Variants in SIM1 observed in about 807,000 individuals in gnomAD.
SIM1 encodes SIM bHLH transcription factor 1.
A neutral mutation model predicts 78.2 loss-of-function variants in SIM1; 18 were observed. That is an observed-to-expected ratio of 0.23 (90% CI 0.16 to 0.34). The LOEUF (loss-of-function observed/expected upper bound fraction) is 0.34, where lower values mean the gene tolerates loss of function less well. Among genes scored for constraint, SIM1 ranks in the 10% least tolerant of loss-of-function variants. The pLI, the probability that SIM1 is intolerant of heterozygous loss-of-function variation, is 1.00. For synonymous variants in SIM1, 417 were observed against 385.2 expected, an observed-to-expected ratio of 1.08 and a Z score of -0.97; for missense variants, 939 against 975.1, an observed-to-expected ratio of 0.96 and a Z score of 0.49.
chr6:100,420,949 T>C lies in SIM1; in HGVS notation c.1008A>G (p.Glu336=). The C allele has an allele frequency of 6.2e-7, 1 of 1,613,514 alleles. No homozygotes were observed. The highest frequency in any genetic ancestry group is 8.5e-7 in the Non-Finnish European group (1 of 1,179,826). Residue 336 remains glutamate (E), a synonymous_variant, in exon 10 of 12, where the codon GAA becomes GAG. Transcript: ENST00000369208. ...CCAGGGAGAGCTGCAGCCCTTTGTA[T>C]TCTGTGTCTCTGCAGGGTGGGAGGA... ...VSVNYVLTDT[E]YKGLQLSLDQ... is the part of the protein sequence containing the mutation.
At chr6:100,449,803 G>C in intron 4 of SIM1, 104 bp from the exon 5 acceptor site, 4 of 895,420 alleles carry the variant, frequency 4.5e-6, no homozygotes, top group Non-Finnish European at 7.1e-6. Flanking sequence ...ACAGCAGCCA[G>C]AATTCTGGAA....
chr6:100,453,974 A>G, intron 2 of SIM1, 130 bp from the exon 3 acceptor site: 1 of 565,306 alleles, frequency 1.8e-6, no homozygotes, highest in Non-Finnish European at 3.0e-6. Context: ...TCCCTCTCAA[A>G]GTGGACAGCG....
Position 100,453,864 on chromosome 6 carries a change from T to G in SIM1, c.176-20A>C, listed in dbSNP as rs1469532746. The G allele has an allele frequency of 6.3e-7, 1 of 1,593,722 alleles. No individual in the cohort carries two copies. Among genetic ancestry groups the G allele is most frequent in the Non-Finnish European group, 8.6e-7 (1 of 1,169,266 alleles). On this transcript the variant is annotated intron_variant, in intron 2 of 11. Transcript: ENST00000369208. ...CGAGCCCTGTGGAGACACAGAAGCA[T>G]CCTGTAGCCACTGAACCCGGACCTG... is the stretch of plus-strand genomic sequence containing the variant.
intron 2 of SIM1, chr6:100,462,643 T>C (rs1772885168): frequency 6.6e-6 from 1 of 152,218 alleles, no homozygotes; most frequent in Non-Finnish European, 1.5e-5. Flanking sequence ...TTATGTATTT[T>C]AGGACTAGCC....
intron 9 of SIM1, among the ~76,000 whole-genome samples, chr6:100,443,770 C>T (rs950815281): frequency 2.6e-5 from 4 of 151,946 alleles, no homozygotes; most frequent in Non-Finnish European, 5.9e-5. Flanking sequence ...ATATCTGTGG[C>T]TTACTTTGAA....
At chr6:100,442,795 A>G (rs1034498463) in intron 9 of SIM1, among the ~76,000 whole-genome samples, 1 of 152,098 alleles carries the variant, frequency 6.6e-6, no homozygotes, top group African/African-American at 2.4e-5. Flanking sequence ...TCTTTAAATA[A>G]GTAATTTTTA....
rs1255310510 is a variant in SIM1 at position 100,449,685 on chromosome 6, T to A, written c.363A>T (p.Gly121=). 6.2e-7 allele frequency: 1 copy of A among 1,613,786 alleles called. No homozygotes were observed. Among genetic ancestry groups the A allele is most frequent in the Admixed American group, 1.7e-5 (1 of 60,026 alleles). Residue 121 remains glycine (G), a synonymous_variant, in exon 5 of 12, where the codon GGA becomes GGT. Transcript: ENST00000369208. ...HLGLSQVELT[G]NSIYEYIHPA... is the part of the protein sequence containing the mutation. ...GGTGAATGTATTCATAAATGCTGTT[T>A]CCGGTCAGCTCTACCTGTAAAGAGG...
At chr6:100,409,689 A>T (rs9376967) in intron 10 of SIM1, among the ~76,000 whole-genome samples, 21,203 of 152,038 alleles carry the variant, frequency 0.14, 1,937 homozygotes, top group East Asian at 0.43. Flanking sequence ...TCCTATTAAA[A>T]CTGCTTTTGC....
At chr6:100,456,548 A>G (rs2114552115) in intron 2 of SIM1, among the ~76,000 whole-genome samples, 1 of 152,356 alleles carries the variant, frequency 6.6e-6, no homozygotes, top group African/African-American at 2.4e-5. Context: ...GGCGATAACT[A>G]AATCGGGTTT....
chr6:100,454,390 G>A (rs1005010810), intron 2 of SIM1, among the ~76,000 whole-genome samples: 1 of 152,240 alleles, frequency 6.6e-6, no homozygotes, highest in South Asian at 2.1e-4. Flanking sequence ...ATCGCCTTCG[G>A]AAAAATTAGT....
At chr6:100,461,708 CTT>C (rs1043331204) in intron 2 of SIM1, among the ~76,000 whole-genome samples, 2 of 152,086 alleles carry the variant, frequency 1.3e-5, no homozygotes, top group African/African-American at 4.8e-5. Flanking sequence ...AACGAGATCT[CTT>C]TTTTAAATAG....
Position 100,390,677 on chromosome 6 carries a change from T to C in SIM1, c.1985A>G (p.Asn662Ser), listed in dbSNP as rs1307168941. ...ACTGGATTTTGAAATGCGATCCGAA[T>C]TGGGACTACTTATCCGAGATAGTGC... Reference protein sequence around the residue: ...PTALSRISSPNSDRISKSSLI... With the variant: ...PTALSRISSPSSDRISKSSLI... Residue 662 changes from asparagine to serine, a missense_variant, in exon 12 of 12, where the codon AAT (asparagine) becomes AGT (serine). Asn to Ser is a conservative substitution (Grantham distance 46). Transcript: ENST00000369208. The C allele has an allele frequency of 2.5e-6, 4 of 1,614,194 alleles. No homozygotes were observed. Among genetic ancestry groups the C allele is most frequent in the Non-Finnish European group, 2.5e-6 (3 of 1,180,030 alleles).
At chr6:100,435,452 C>T (rs1772019202) in intron 9 of SIM1, among the ~76,000 whole-genome samples, 1 of 152,108 alleles carries the variant, frequency 6.6e-6, no homozygotes, top group African/African-American at 2.4e-5. Context: ...GTTGTATTGG[C>T]TGAGTCACTT....
chr6:100,416,928 C>T (rs942558551), intron 10 of SIM1, among the ~76,000 whole-genome samples: 5 of 151,574 alleles, frequency 3.3e-5, no homozygotes, highest in Admixed American at 3.3e-4. Flanking sequence ...GTTTTCCTTG[C>T]TTCAATCACA....
Position 100,387,926 on chromosome 6 carries a change from A to G in SIM1, c.*2435T>C, listed in dbSNP as rs1770550655. The G allele has an allele frequency of 1.3e-5, 2 of 152,242 alleles. No homozygotes were observed. The highest frequency in any genetic ancestry group is 3.4e-3 in the Middle Eastern group (1 of 294). The allele number at this position is 152,242 out of a possible 1,614,324, so 9.4% of individuals were successfully genotyped here. On this transcript the variant is annotated 3_prime_UTR_variant, in exon 12 of 12. Transcript: ENST00000369208. ...CTGTCCCTGGCACATTTGGTAGAAT[A>G]TATAGCCACCAGAAATACCCATCTG...
At chr6:100,449,965 A>T (rs953751051) in intron 4 of SIM1, among the ~76,000 whole-genome samples, 1 of 152,242 alleles carries the variant, frequency 6.6e-6, no homozygotes, top group Non-Finnish European at 1.5e-5. Context: ...CAGCAGCAGC[A>T]GTTCCCTGGC....
intron 8 of SIM1, 115 bp from the exon 9 acceptor site, chr6:100,447,530 A>G: frequency 8.7e-7 from 1 of 1,143,262 alleles, no homozygotes; most frequent in Non-Finnish European, 1.3e-6. Flanking sequence ...TAACTGCACC[A>G]GGCAGGAGAG....
At position 100,464,773 on chromosome 6, in the gene SIM1, A is replaced by AG. The variant is rs1289792014; in HGVS notation, c.-628dup. ...CCTTTTCTGGATCATGAATTGGAGG[A>AG]GGGGTGCGTGGCAGAAAGAGGAGGA... On this transcript the variant is annotated 5_prime_UTR_variant, in exon 1 of 12. Transcript: ENST00000369208. The AG allele has an allele frequency of 6.6e-6, 1 of 152,102 alleles. No homozygotes were observed. The highest frequency in any genetic ancestry group is 1.5e-5 in the Non-Finnish European group (1 of 68,080). 9.4% of individuals were successfully genotyped at this position (152,102 alleles called of 1,614,324 possible).
intron 2 of SIM1, among the ~76,000 whole-genome samples, chr6:100,460,970 A>G (rs1352767387): frequency 6.6e-6 from 1 of 152,106 alleles, no homozygotes; most frequent in Non-Finnish European, 1.5e-5. Flanking sequence ...TGAGCTCAAC[A>G]GTAGCTAGAG....
Sources: gnomAD v4.1 joint callset for allele counts (sites outside exome capture counted in the v4.1 genomes callset) on GRCh38, gnomAD v4.1.1 for gene constraint, MANE v1.5 for transcripts, NCBI Gene and HGNC (gene_info 2026-07-23, HGNC 2026-07-21) for gene names.